DAB1: variants seen among roughly 807,000 people sequenced by gnomAD.
The protein encoded by DAB1 is DAB adaptor protein 1.
A neutral mutation model predicts 64.6 loss-of-function variants in DAB1; 15 were observed. That is an observed-to-expected ratio of 0.23 (90% CI 0.16 to 0.36). The LOEUF (loss-of-function observed/expected upper bound fraction) is 0.36, where lower values mean the gene tolerates loss of function less well. Ranked by LOEUF, DAB1 falls within the 10% of genes least tolerant of loss-of-function variation. The pLI, the probability that DAB1 is intolerant of heterozygous loss-of-function variation, is 1.00. For synonymous variants in DAB1, 235 were observed against 251.9 expected (o/e 0.93, Z 0.64); for missense variants, 596 against 706.7 (o/e 0.84, Z 1.78).
chr1:57,647,404 G>A (rs1442329152), intron 7 of DAB1, among the ~76,000 whole-genome samples: 1 of 152,152 alleles, frequency 6.6e-6, no homozygotes, highest in Non-Finnish European at 1.5e-5. Context: ...TCCCCCGGAG[G>A]CGAACATCCA....
intron 3 of DAB1, among the ~76,000 whole-genome samples, chr1:58,368,641 G>C (rs568352777): frequency 6.6e-6 from 1 of 152,174 alleles, no homozygotes; most frequent in South Asian, 2.1e-4. Context: ...AGTAAACCTG[G>C]GCAGCAATGG....
At chr1:58,316,918 A>C (rs971477058) in intron 4 of DAB1, among the ~76,000 whole-genome samples, 1 of 152,194 alleles carries the variant, frequency 6.6e-6, no homozygotes, top group Non-Finnish European at 1.5e-5. Context: ...TAGCTAGTAC[A>C]TATTTATAAT....
intron 14 of DAB1, among the ~76,000 whole-genome samples, chr1:57,000,399 T>C (rs1391118774): frequency 6.6e-6 from 1 of 152,150 alleles, no homozygotes; most frequent in African/African-American, 2.4e-5. Flanking sequence ...AATGAGAGTC[T>C]GTTGAATTAC....
chr1:57,061,976 C>T (rs1650440002), intron 9 of DAB1, among the ~76,000 whole-genome samples: 1 of 152,220 alleles, frequency 6.6e-6, no homozygotes. Context: ...ACTGAACACG[C>T]TAGTTCCTTG....
intron 9 of DAB1, among the ~76,000 whole-genome samples, chr1:57,038,074 G>C (rs1328130652): frequency 6.6e-6 from 1 of 152,076 alleles, no homozygotes; most frequent in Non-Finnish European, 1.5e-5. Flanking sequence ...TGGACAGCAC[G>C]ACTCTAGATA....
At chr1:57,788,996 C>A (rs2101855171) in intron 6 of DAB1, among the ~76,000 whole-genome samples, 1 of 152,236 alleles carries the variant, frequency 6.6e-6, no homozygotes, top group Non-Finnish European at 1.5e-5. Flanking sequence ...ACCAACTCCC[C>A]CCACCCTTCG....
At chr1:58,246,486 A>G (rs1375655097) in intron 4 of DAB1, among the ~76,000 whole-genome samples, 1 of 152,242 alleles carries the variant, frequency 6.6e-6, no homozygotes, top group Non-Finnish European at 1.5e-5. Context: ...AATAGAACAC[A>G]TTCTCCAAAC....
intron 6 of DAB1, among the ~76,000 whole-genome samples, chr1:57,708,414 A>G (rs1646991713): frequency 6.6e-6 from 1 of 152,140 alleles, no homozygotes; most frequent in Non-Finnish European, 1.5e-5. Flanking sequence ...GTACTGCCTG[A>G]ATTGGAGGAG....
At chr1:57,243,808 A>T (rs1265400863) in intron 2 of DAB1, among the ~76,000 whole-genome samples, 1 of 152,122 alleles carries the variant, frequency 6.6e-6, no homozygotes, top group Non-Finnish European at 1.5e-5. Context: ...GCATAGACCA[A>T]CCCCAACAAC....
At chr1:58,448,419 C>G (rs1645095854) in intron 3 of DAB1, among the ~76,000 whole-genome samples, 1 of 152,160 alleles carries the variant, frequency 6.6e-6, no homozygotes, top group South Asian at 2.1e-4. Context: ...AAACTGAGAT[C>G]AAAGAGTTGC....
chr1:58,142,252 C>G (rs1247873904), intron 5 of DAB1, among the ~76,000 whole-genome samples: 1 of 152,196 alleles, frequency 6.6e-6, no homozygotes, highest in African/African-American at 2.4e-5. Context: ...GCCTTGGTCT[C>G]TCAGTCAGAC....
chr1:58,463,707 A>G (rs1179177298), intron 3 of DAB1, among the ~76,000 whole-genome samples: 1 of 152,230 alleles, frequency 6.6e-6, no homozygotes, highest in Non-Finnish European at 1.5e-5. Flanking sequence ...ATGGGCAAAA[A>G]TGTGCCTCAA....
At chr1:58,539,719 C>T (rs7535313) in intron 1 of DAB1, among the ~76,000 whole-genome samples, 4 of 152,020 alleles carry the variant, frequency 2.6e-5, no homozygotes, top group East Asian at 3.9e-4. Flanking sequence ...CTGGACATTA[C>T]GCAATGAAGA....
chr1:57,068,664 C>A (rs1651158508), intron 8 of DAB1, among the ~76,000 whole-genome samples: 1 of 152,124 alleles, frequency 6.6e-6, no homozygotes, highest in South Asian at 2.1e-4. Context: ...TGCTATACGG[C>A]AGTTACACAG....
chr1:58,247,262 C>CCG (rs957271756), intron 4 of DAB1, among the ~76,000 whole-genome samples: 22 of 116,822 alleles, frequency 1.9e-4, no homozygotes, highest in Non-Finnish European at 3.8e-4. Flanking sequence ...TTCATTTCCC[C>CCG]CCCCGCCAGG....
intron 1 of DAB1, among the ~76,000 whole-genome samples, chr1:57,836,588 C>T (rs1442460406): frequency 6.6e-6 from 1 of 152,200 alleles, no homozygotes; most frequent in East Asian, 1.9e-4. Context: ...TAAATGTGAA[C>T]CTTTTTGCAG....
intron 7 of DAB1, among the ~76,000 whole-genome samples, chr1:57,540,527 A>G (rs2101446684): frequency 6.6e-6 from 1 of 152,350 alleles, no homozygotes; most frequent in South Asian, 2.1e-4. Flanking sequence ...TTACAATAGC[A>G]AATATGTGAA....
rs144951346 is a variant in DAB1 at position 57,786,839 on chromosome 1, G to A, written n.551+97160C>T. The stretch of plus-strand genomic sequence containing the variant: ...GAGCAAAGTTTCCACCCTAACAACC[G>A]TGGAACATGACTGGATTCTGGGTAA... On this transcript the variant is annotated intron_variant and non_coding_transcript_variant, in intron 6 of 20. Transcript: ENST00000485760. 7.9e-5 allele frequency among the ~76,000 whole-genome samples: 12 copies of A among 152,154 alleles called. No homozygotes were observed. The East Asian group carries it at 1.9e-3, about 25-fold the overall frequency.
At chr1:57,137,970 C>T (rs530981720) in intron 3 of DAB1, among the ~76,000 whole-genome samples, 3 of 152,300 alleles carry the variant, frequency 2.0e-5, no homozygotes, top group African/African-American at 7.2e-5. Context: ...CTCTTAGTTT[C>T]ACTTCCTCCA....
Sources: allele counts gnomAD v4.1 joint callset (sites outside exome capture counted in the v4.1 genomes callset), GRCh38; gene constraint gnomAD v4.1.1; transcripts MANE v1.5; gene names NCBI Gene and HGNC (gene_info 2026-07-23, HGNC 2026-07-21).